USP34: variants seen among roughly 807,000 people sequenced by gnomAD.
USP34 encodes ubiquitin specific peptidase 34, also known as ubiquitin carboxyl-terminal hydrolase 34.
A neutral mutation model predicts 460.3 loss-of-function variants in USP34; 70 were observed. The observed-to-expected ratio is 0.15, with a 90% CI of 0.13 to 0.19. The LOEUF (loss-of-function observed/expected upper bound fraction) is 0.19. Ranked by LOEUF, USP34 falls within the 10% of genes least tolerant of loss-of-function variation. USP34 has a pLI of 1.00. For missense variants in USP34, 3,985 were observed against 4,236.2 expected, an observed-to-expected ratio of 0.94 and a Z score of 1.65; for synonymous variants, 1,647 against 1,405.3, an observed-to-expected ratio of 1.17 and a Z score of -3.85.
At chr2:61,396,770 G>A (rs1693543267) in intron 3 of USP34, among the ~76,000 whole-genome samples, 1 of 152,138 alleles carries the variant, frequency 6.6e-6, no homozygotes, top group African/African-American at 2.4e-5. Flanking sequence ...TTACAGGCAT[G>A]AGCCACCTCG....
intron 1 of USP34, among the ~76,000 whole-genome samples, chr2:61,462,256 A>G (rs1012913223): frequency 6.6e-6 from 1 of 150,530 alleles, no homozygotes; most frequent in East Asian, 2.0e-4. Context: ...AAAAAAAAAA[A>G]AAAGAAAATC....
chr2:61,326,226 G>C lies in USP34; in HGVS notation c.2931-769C>G, dbSNP rs115741633. Among the ~76,000 whole-genome samples the C allele has an allele frequency of 6.3e-3, 961 of 152,136 alleles. 5 individuals are homozygous for C. The highest frequency in any genetic ancestry group is 0.022 in the African/African-American group (915 of 41,486). ...AATTTGTGTATTTGGGGCTGGAAGG[G>C]GGGCAGAGTCTCACTCTGTTGTCTA... On this transcript the variant is annotated intron_variant, in intron 20 of 79. Transcript: ENST00000398571.
chr2:61,348,573 G>A, intron 14 of USP34, 93 bp from the exon 15 acceptor site: 1 of 1,484,780 alleles, frequency 6.7e-7, no homozygotes. Flanking sequence ...TAAAAAGGCT[G>A]CCAGTCTTGT....
chr2:61,333,806 GT>G, intron 19 of USP34, 75 bp downstream of exon 19: 1 of 1,002,210 alleles, frequency 1.0e-6, no homozygotes, highest in Non-Finnish European at 1.4e-6. Flanking sequence ...AAGCTTGTAG[GT>G]TAGTCAAAAC....
At chr2:61,392,051 C>T (rs1217029541) in intron 5 of USP34, among the ~76,000 whole-genome samples, 1 of 152,106 alleles carries the variant, frequency 6.6e-6, no homozygotes, top group Non-Finnish European at 1.5e-5. Context: ...AACAGCCCAC[C>T]AATTAGCAGT....
chr2:61,211,873 C>T lies in USP34; in HGVS notation c.8739G>A (p.Met2913Ile), dbSNP rs1687281204. Reference protein sequence around the residue: ...MQLFIAQRPDMREEELEDIKQ... With the variant: ...MQLFIAQRPDIREEELEDIKQ... Reference sequence around the variant, plus strand: ...TAATATCTTCTAATTCTTCTTCTCTCATATCTGGCCTCTGAGCTATAAACA... The same window carrying T: ...TAATATCTTCTAATTCTTCTTCTCTTATATCTGGCCTCTGAGCTATAAACA... The change falls in exon 69 of 80, where the codon ATG becomes ATA. Residue 2913 changes from methionine to isoleucine, a missense_variant. By Grantham distance (10) the Met-to-Ile change is conservative. This residue lies in a region of USP34 where 275 missense variants were observed against 292.7 expected (regional missense o/e 0.94). Transcript: ENST00000398571. 4 of 1,609,634 alleles carry T rather than the reference C, an allele frequency of 2.5e-6. No homozygotes were observed. Among genetic ancestry groups the T allele is most frequent in the Non-Finnish European group, 3.4e-6 (4 of 1,178,738 alleles).
At chr2:61,262,808 T>A (rs2103910812) in intron 43 of USP34, among the ~76,000 whole-genome samples, 1 of 152,324 alleles carries the variant, frequency 6.6e-6, no homozygotes, top group South Asian at 2.1e-4. Flanking sequence ...CAGCAGTGTA[T>A]ATGCATTCCC....
chr2:61,332,948 A>G (rs945616604), intron 19 of USP34, among the ~76,000 whole-genome samples: 1 of 152,040 alleles, frequency 6.6e-6, no homozygotes, highest in Non-Finnish European at 1.5e-5. Flanking sequence ...AAGAACTATA[A>G]AAGTGATACT....
chr2:61,278,521 C>A, intron 39 of USP34, 78 bp from the exon 40 acceptor site: 1 of 1,122,382 alleles, frequency 8.9e-7, no homozygotes, highest in Non-Finnish European at 1.2e-6. Flanking sequence ...AAAATCATTT[C>A]CTTATAGGTA....
chr2:61,410,994 A>C (rs1694019692), intron 2 of USP34, among the ~76,000 whole-genome samples: 1 of 152,190 alleles, frequency 6.6e-6, no homozygotes, highest in Admixed American at 6.5e-5. Flanking sequence ...CCCATCCTAA[A>C]AAAAACAAAA....
At chr2:61,211,977 T>C in intron 68 of USP34, 48 bp from the exon 69 acceptor site, 1 of 1,540,966 alleles carries the variant, frequency 6.5e-7, no homozygotes, top group Non-Finnish European at 8.6e-7. Flanking sequence ...TATAGCATTT[T>C]AGAAGGTCAG....
chr2:61,317,883 T>C (rs1449715951), intron 22 of USP34, 116 bp from the exon 23 acceptor site: 2 of 678,652 alleles, frequency 2.9e-6, no homozygotes, highest in Non-Finnish European at 4.7e-6. Context: ...CAGTTTGAAT[T>C]TTTAGTGATA....
chr2:61,440,371 G>T (rs903107162), intron 1 of USP34, among the ~76,000 whole-genome samples: 1 of 152,136 alleles, frequency 6.6e-6, no homozygotes, highest in Non-Finnish European at 1.5e-5. Flanking sequence ...AATGGCTGCT[G>T]TATGAAATGT....
chr2:61,378,940 A>C (rs1178822203), intron 7 of USP34, among the ~76,000 whole-genome samples: 2 of 145,394 alleles, frequency 1.4e-5, no homozygotes, highest in Non-Finnish European at 3.0e-5. Context: ...AAAAAAAACA[A>C]CACTAAATTC....
Position 61,294,962 on chromosome 2 carries a change from G to A in USP34, c.4448C>T (p.Ser1483Phe), listed in dbSNP as rs772667074. 6.8e-6 allele frequency: 11 copies of A among 1,611,852 alleles called. No individual in the cohort carries two copies. The highest frequency in any genetic ancestry group is 9.3e-6 in the Non-Finnish European group (11 of 1,179,066). Residue 1483 changes from serine (S) to phenylalanine (F), a missense_variant, in exon 32 of 80, where the codon TCC becomes TTC. By Grantham distance (155) the Ser-to-Phe change is radical. Around this residue, in one of 14 missense-constraint regions of USP34, gnomAD observed 1,114 missense variants for 1,122.5 expected, o/e 0.99. Coordinates refer to ENST00000398571, the MANE Select transcript of USP34 (RefSeq NM_014709.4). ...ATATGATCAAACCTTGCAACTCCAG[G>A]AATTTTTACTATTTTCCACTTGATC... The part of the protein sequence containing the change: ...SEDQVENSKN[S>F]WSCKFVAAGG...
At chr2:61,301,928 G>T (rs1251752842) in intron 27 of USP34, among the ~76,000 whole-genome samples, 1 of 151,762 alleles carries the variant, frequency 6.6e-6, no homozygotes, top group Non-Finnish European at 1.5e-5. Flanking sequence ...ATCTGGGAAG[G>T]GATGGGAGGG....
chr2:61,264,919 A>T (rs1259637354), intron 43 of USP34, among the ~76,000 whole-genome samples: 1 of 152,172 alleles, frequency 6.6e-6, no homozygotes, highest in East Asian at 1.9e-4. Flanking sequence ...CTAGAAAGTG[A>T]ATAAAAATAA....
At position 61,372,470 on chromosome 2, in the gene USP34, T is replaced by C. The variant is rs1413161126; in HGVS notation, c.1077-1891A>G. 2.6e-5 allele frequency among the ~76,000 whole-genome samples: 4 copies of C among 152,180 alleles called. No homozygotes were observed. The South Asian group carries it at 6.2e-4, about 24-fold the overall frequency. ...CCAGGCTGGTGCTGTGGTTCACACC[T>C]GTAATCCTAGCACTTTGGGAGACTG... On this transcript the variant is annotated intron_variant, in intron 8 of 79. Transcript: ENST00000398571.
intron 20 of USP34, 99 bp from the exon 21 acceptor site, chr2:61,325,556 T>A: frequency 3.3e-6 from 2 of 614,946 alleles, no homozygotes; most frequent in Non-Finnish European, 5.0e-6. Flanking sequence ...AAAATTGTTT[T>A]AATAATTCAT....
Sources: allele counts gnomAD v4.1 joint callset (sites outside exome capture counted in the v4.1 genomes callset), GRCh38; gene constraint gnomAD v4.1.1; regional missense constraint gnomAD v4.1.1; transcripts MANE v1.5; gene names NCBI Gene and HGNC (gene_info 2026-07-23, HGNC 2026-07-21).